Variants in RBM6 observed in about 807,000 individuals in gnomAD.
RBM6 encodes the protein RNA-binding protein 6.
Under a neutral mutation model 140.4 loss-of-function variants are expected in RBM6, and 23 were observed. The ratio of observed to expected loss-of-function variants is 0.16; its 90% CI spans 0.12 to 0.23. The LOEUF (loss-of-function observed/expected upper bound fraction) is 0.23, where lower values mean the gene tolerates loss of function less well. Ranked by LOEUF, RBM6 falls within the 10% of genes least tolerant of loss-of-function variation. The pLI is 1.00. For missense variants in RBM6, 1,139 were observed against 1,386.7 expected, an observed-to-expected ratio of 0.82 and a Z score of 2.84; for synonymous variants, 439 against 475.6, an observed-to-expected ratio of 0.92 and a Z score of 1.00.
chr3:50,032,768 C>A (rs2088253506), intron 6 of RBM6, among the ~76,000 whole-genome samples: 1 of 152,180 alleles, frequency 6.6e-6, no homozygotes, highest in Middle Eastern at 3.4e-3. Context: ...AGGTGGATCA[C>A]CTAAGGTCAG....
In RBM6 at chr3:49,969,473, A is replaced by G. The variant is rs28878907; in HGVS notation, c.1323+725A>G. On this transcript the variant is annotated intron_variant, in intron 3 of 20. Coordinates refer to ENST00000266022, the MANE Select transcript of RBM6 (RefSeq NM_005777.3). ...TATATGTGTGTGTGTGTGTATATAT[A>G]TATATGAATATATATGTATATATAT... 2.6e-3 allele frequency among the ~76,000 whole-genome samples: 386 copies of G among 146,868 alleles called. 1 individual carries two copies. The highest frequency in any genetic ancestry group is 9.2e-3 in the African/African-American group (374 of 40,524).
chr3:49,999,754 C>T (rs1285780014), intron 6 of RBM6, among the ~76,000 whole-genome samples: 1 of 137,190 alleles, frequency 7.3e-6, no homozygotes, highest in Non-Finnish European at 1.6e-5. Context: ...GACTAGATTC[C>T]AAAGACAATA....
chr3:50,001,602 G>A (rs1241468187), intron 6 of RBM6, among the ~76,000 whole-genome samples: 1 of 152,202 alleles, frequency 6.6e-6, no homozygotes, highest in African/African-American at 2.4e-5. Flanking sequence ...TGAGCATCCT[G>A]AGATTTTTGT....
At chr3:50,061,326 G>A in intron 13 of RBM6, 105 bp downstream of exon 13, 2 of 1,593,116 alleles carry the variant, frequency 1.3e-6, no homozygotes, top group Non-Finnish European at 1.7e-6. Flanking sequence ...GTTGACTGAG[G>A]GTGCTCATCC....
chr3:49,995,591 T>A (rs1052600648), intron 5 of RBM6, among the ~76,000 whole-genome samples: 4 of 151,260 alleles, frequency 2.6e-5, no homozygotes, highest in Non-Finnish European at 5.9e-5. Flanking sequence ...TTCTATGAGA[T>A]CTGTAAATTT....
chr3:49,986,999 G>A (rs1258358236), intron 5 of RBM6, among the ~76,000 whole-genome samples: 1 of 152,026 alleles, frequency 6.6e-6, no homozygotes, highest in Non-Finnish European at 1.5e-5. Flanking sequence ...GCCCAGGCTG[G>A]TCTTGAACTC....
Position 50,036,653 on chromosome 3 carries a change from C to T in RBM6, c.1558-11592C>T, listed in dbSNP as rs549537599. Among the ~76,000 whole-genome samples the T allele has an allele frequency of 5.3e-5, 8 of 152,294 alleles. No individual in the cohort carries two copies. In the South Asian group the frequency reaches 1.2e-3, roughly 24 times the overall value. On this transcript the variant is annotated intron_variant, in intron 6 of 20. Transcript: ENST00000266022. ...GTCTTCAATGTTAGAAGCCAGCCCTCATTTTTATCAAGGGCTGAAGTTTGA... is the reference window on the plus strand; with the variant it reads ...GTCTTCAATGTTAGAAGCCAGCCCTTATTTTTATCAAGGGCTGAAGTTTGA...
At chr3:50,064,467 G>A (rs1575859437) in intron 15 of RBM6, among the ~76,000 whole-genome samples, 1 of 152,158 alleles carries the variant, frequency 6.6e-6, no homozygotes, top group South Asian at 2.1e-4. Flanking sequence ...TGCCTCATCT[G>A]GTCTGACATA....
chr3:49,940,636 C>G (rs6772095), intron 1 of RBM6: 1 of 155,230 alleles, frequency 6.4e-6, no homozygotes, highest in South Asian at 2.0e-4. Context: ...TAGCACGTAG[C>G]CTCGTCCTCA....
Position 50,070,549 on chromosome 3 carries a change from A to G in RBM6, c.3113A>G (p.Asp1038Gly). 1 of 1,611,228 alleles carries G rather than the reference A, an allele frequency of 6.2e-7. No individual in the cohort carries two copies. The highest frequency in any genetic ancestry group is 8.5e-7 in the Non-Finnish European group (1 of 1,177,496). Residue 1038 changes from aspartate (D) to glycine (G), a missense_variant, in exon 19 of 21, where the codon GAC (aspartate) becomes GGC (glycine). By Grantham distance (94) the Asp-to-Gly change is moderately conservative (BLOSUM62 -1). Transcript: ENST00000266022. Reference sequence around the variant, plus strand: ...CGGATTAAGTACTCCAGGGAAACTGACAGGTAAGCCAGGAACTCTTCATTC... The same window carrying G: ...CGGATTAAGTACTCCAGGGAAACTGGCAGGTAAGCCAGGAACTCTTCATTC... ...RKRIKYSRETDSDRKLVDKED... is the reference protein window; with the variant it reads ...RKRIKYSRETGSDRKLVDKED...
At chr3:50,044,835 C>T (rs1044148512) in intron 6 of RBM6, among the ~76,000 whole-genome samples, 2 of 152,118 alleles carry the variant, frequency 1.3e-5, no homozygotes, top group African/African-American at 4.8e-5. Context: ...CAGGTTTGTC[C>T]TATGACTACC....
intron 6 of RBM6, among the ~76,000 whole-genome samples, chr3:50,043,539 T>C (rs577770180): frequency 1.3e-5 from 2 of 150,444 alleles, no homozygotes; most frequent in East Asian, 2.0e-4. Flanking sequence ...CATATACATA[T>C]ACATACATAC....
At chr3:49,977,868 G>C (rs1447072028) in intron 5 of RBM6, among the ~76,000 whole-genome samples, 1 of 152,186 alleles carries the variant, frequency 6.6e-6, no homozygotes, top group East Asian at 1.9e-4. Context: ...TGTAGTCCTA[G>C]CTACTTGGGA....
chr3:50,061,636 G>A (rs753556053), intron 14 of RBM6, 89 bp downstream of exon 14: 87 of 1,509,266 alleles, frequency 5.8e-5, no homozygotes, highest in Non-Finnish European at 7.5e-5. Context: ...GCTACTTGAG[G>A]ATTTTATTCC....
At chr3:50,007,376 G>A (rs1475619123) in intron 6 of RBM6, among the ~76,000 whole-genome samples, 3 of 151,226 alleles carry the variant, frequency 2.0e-5, no homozygotes, top group Non-Finnish European at 4.4e-5. Context: ...TTGTAGAGAC[G>A]GGGTTTTGCC....
intron 5 of RBM6, among the ~76,000 whole-genome samples, chr3:49,996,031 C>G (rs2086069544): frequency 6.6e-6 from 1 of 152,090 alleles, no homozygotes; most frequent in South Asian, 2.1e-4. Flanking sequence ...TGAACTGTAT[C>G]CCCCTCCCCA....
intron 6 of RBM6, among the ~76,000 whole-genome samples, chr3:50,035,021 T>TCCCTC (rs1179649995): frequency 2.3e-5 from 1 of 44,208 alleles, no homozygotes. Flanking sequence ...CCTCTCATCT[T>TCCCTC]CCCTCCCCTC....
chr3:49,967,638 T>C lies in RBM6; in HGVS notation c.213T>C (p.His71=). The change falls in exon 3 of 21, where the codon CAT becomes CAC. Residue 71 remains histidine (H), a synonymous_variant. Coordinates refer to ENST00000266022, the MANE Select transcript of RBM6 (RefSeq NM_005777.3). This position sits in a 1 kb window ranked among gnomAD's most constrained non-coding sequence, Gnocchi z 4.0. The stretch of plus-strand genomic sequence containing the variant: ...CTCCTTTTGCAAATGTAGAGGAGCA[T>C]TCTTTCAGCTATGGAGCTAGAGACG... ...SGPPFANVEE[H]SFSYGARDGP... is the part of the protein sequence containing the mutation. 1 of 1,614,140 alleles carries C rather than the reference T, an allele frequency of 6.2e-7. No individual in the cohort carries two copies. The highest frequency in any genetic ancestry group is 8.5e-7 in the Non-Finnish European group (1 of 1,180,030).
At chr3:50,000,102 A>C (rs1361989326) in intron 6 of RBM6, among the ~76,000 whole-genome samples, 1 of 152,156 alleles carries the variant, frequency 6.6e-6, no homozygotes, top group African/African-American at 2.4e-5. Flanking sequence ...GAGCTGGTGA[A>C]TCAGAATCTG....
Sources: allele counts gnomAD v4.1 joint callset (sites outside exome capture counted in the v4.1 genomes callset), GRCh38; gene constraint gnomAD v4.1.1; non-coding constraint Gnocchi (gnomAD v3.1); transcripts MANE v1.5; gene names NCBI Gene and HGNC (gene_info 2026-07-23, HGNC 2026-07-21).